The following RABEP1 variants were observed in gnomAD, a reference collection of about 807,000 sequenced individuals.
The protein encoded by RABEP1 is rab GTPase-binding effector protein 1.
In RABEP1, 51 loss-of-function variants were observed where a neutral mutation model predicts 123.4. The observed-to-expected ratio is 0.41, with a 90% CI of 0.33 to 0.52. The LOEUF is 0.52. RABEP1 is among the 20% of genes least tolerant of loss of function. The probability of loss-of-function intolerance (pLI) is 0.16; values close to 1 mark genes in which losing one functional copy is unlikely to be tolerated. For synonymous variants in RABEP1, 347 were observed against 355.2 expected, an observed-to-expected ratio of 0.98 and a Z score of 0.26; for missense variants, 888 against 996.3, an observed-to-expected ratio of 0.89 and a Z score of 1.46.
intron 2 of RABEP1, among the ~76,000 whole-genome samples, chr17:5,316,716 C>A (rs1163231861): frequency 6.7e-6 from 1 of 149,994 alleles, no homozygotes; most frequent in African/African-American, 2.5e-5. Context: ...GCTTGTAATC[C>A]CACCTACTCG....
Position 5,361,234 on chromosome 17 carries a change from A to C in RABEP1, c.1122A>C (p.Ser374=). Residue 374 remains serine, a synonymous_variant, in exon 9 of 18, where the codon TCA becomes TCC. Coordinates refer to ENST00000537505, the MANE Select transcript of RABEP1 (RefSeq NM_004703.6). ...AGCATTTAGACAGCACCCGTGGCTCAGTTCATTCCTTAGATGCAGGCTTGC... is the reference window on the plus strand; with the variant it reads ...AGCATTTAGACAGCACCCGTGGCTCCGTTCATTCCTTAGATGCAGGCTTGC... The part of the protein sequence containing the change: ...EEEHLDSTRG[S]VHSLDAGLLL... The C allele has an allele frequency of 6.2e-7, 1 of 1,614,154 alleles. No individual in the cohort carries two copies. Among genetic ancestry groups the C allele is most frequent in the Non-Finnish European group, 8.5e-7 (1 of 1,179,982 alleles).
chr17:5,288,934 G>C (rs1597322956), intron 1 of RABEP1, among the ~76,000 whole-genome samples: 1 of 151,878 alleles, frequency 6.6e-6, no homozygotes, highest in South Asian at 2.1e-4. Flanking sequence ...TTGATCTCCT[G>C]TTCTCAATTT....
rs999122382 is a variant in RABEP1, at chr17:5,317,981, C to G, written c.163+9159C>G. On this transcript the variant is annotated intron_variant, in intron 2 of 17. Transcript: ENST00000537505. ...TGAAGGTTCGTGGTGGGTGGTGCCC[C>G]AGAGAGGGCGTAGAAGCTCCATGCT... 2.0e-5 allele frequency among the ~76,000 whole-genome samples: 3 copies of G among 152,184 alleles called. No homozygotes were observed. In the East Asian group the frequency reaches 5.8e-4, roughly 29 times the overall value.
rs112853888 is a variant in RABEP1 at position 5,319,350 on chromosome 17, C to CA, written c.163+10540dup. ...CTCAAAAAAAAAAAAAACAAAAAAACAAAAAAAAAAAACATATATATTTTT... is the reference window on the plus strand; with the variant it reads ...CTCAAAAAAAAAAAAAACAAAAAAACAAAAAAAAAAAAACATATATATTTTT... On this transcript the variant is annotated intron_variant, in intron 2 of 17. Coordinates refer to ENST00000537505, the MANE Select transcript of RABEP1 (RefSeq NM_004703.6). Among the ~76,000 whole-genome samples, 118 of 137,796 alleles carry CA rather than the reference C, an allele frequency of 8.6e-4. 2 individuals are homozygous for CA. The highest frequency in any genetic ancestry group is 4.6e-3 in the South Asian group (20 of 4,334). The allele number at this position is 137,796 out of a possible 152,430, so 90.4% of individuals were successfully genotyped here. A position where few individuals can be genotyped will look rare whatever the true frequency, so the allele number is the denominator to read the frequency against.
chr17:5,343,261 A>G (rs186150840), intron 5 of RABEP1, among the ~76,000 whole-genome samples: 20 of 151,986 alleles, frequency 1.3e-4, no homozygotes, highest in African/African-American at 4.6e-4. Context: ...AAAATAAATA[A>G]ATTATTATCT....
intron 1 of RABEP1, among the ~76,000 whole-genome samples, chr17:5,300,071 G>C (rs962070327): frequency 1.3e-5 from 2 of 152,014 alleles, no homozygotes; most frequent in Non-Finnish European, 2.9e-5. Flanking sequence ...TTGGACTCCA[G>C]GCAAAACTGA....
At chr17:5,370,461 A>G (rs1316292394) in intron 12 of RABEP1, among the ~76,000 whole-genome samples, 3 of 152,092 alleles carry the variant, frequency 2.0e-5, no homozygotes, top group Non-Finnish European at 4.4e-5. Flanking sequence ...TGATCCAGGA[A>G]CCAATCAGTG....
At chr17:5,328,671 A>AAAAAAG (rs1336027774) in intron 2 of RABEP1, among the ~76,000 whole-genome samples, 1 of 120,476 alleles carries the variant, frequency 8.3e-6, no homozygotes, top group Non-Finnish European at 1.7e-5. Flanking sequence ...AAAAAAAAAA[A>AAAAAAG]GCCGGGCGCA....
At chr17:5,299,641 T>C (rs1410246072) in intron 1 of RABEP1, among the ~76,000 whole-genome samples, 1 of 151,658 alleles carries the variant, frequency 6.6e-6, no homozygotes, top group East Asian at 1.9e-4. Flanking sequence ...TCCTCTCTGC[T>C]GTCATTGGGG....
At chr17:5,305,045 A>G (rs1190741820) in intron 1 of RABEP1, among the ~76,000 whole-genome samples, 2 of 152,206 alleles carry the variant, frequency 1.3e-5, no homozygotes, top group Non-Finnish European at 2.9e-5. Context: ...ATTAGTTACC[A>G]TGTTATAAAA....
chr17:5,373,351 A>T lies in RABEP1; in HGVS notation c.1922A>T (p.Glu641Val). ...CAGTCACGGGAACAGGTTTCAGAAG[A>T]GCTGGTGAGGTTACAGAAAGATAAT... ...LMQSREQVSE[E>V]LVRLQKDNDS... The change falls in exon 13 of 18, where the codon GAG (glutamate) becomes GTG (valine). Residue 641 changes from glutamate to valine, a missense_variant. Transcript: ENST00000537505. 8 of 1,613,420 alleles carry T rather than the reference A, an allele frequency of 5.0e-6. No homozygotes were observed. Among genetic ancestry groups the T allele is most frequent in the Non-Finnish European group, 6.8e-6 (8 of 1,179,920 alleles).
Position 5,361,420 on chromosome 17 carries a change from G to C in RABEP1, c.1308G>C (p.Glu436Asp). Residue 436 changes from glutamate to aspartate, a missense_variant, in exon 9 of 18, where the codon GAG (glutamate) becomes GAC (aspartate). Coordinates refer to ENST00000537505, the MANE Select transcript of RABEP1 (RefSeq NM_004703.6). ...YKAKSAGNLD[E>D]SDFGPLVGAD... ...CAAAATCTGCTGGAAACCTGGACGA[G>C]TCAGATTTTGGACCACTGGTAGGAG... The C allele has an allele frequency of 6.2e-7, 1 of 1,614,168 alleles. No individual in the cohort carries two copies. The highest frequency in any genetic ancestry group is 8.5e-7 in the Non-Finnish European group (1 of 1,180,018).
chr17:5,312,559 G>C (rs2075254840), intron 2 of RABEP1, among the ~76,000 whole-genome samples: 2 of 152,162 alleles, frequency 1.3e-5, no homozygotes, highest in South Asian at 4.1e-4. Flanking sequence ...AAGGATTACT[G>C]ACTGTGGTAT....
intron 2 of RABEP1, among the ~76,000 whole-genome samples, chr17:5,312,177 C>G (rs1319515267): frequency 6.6e-6 from 1 of 152,026 alleles, no homozygotes; most frequent in Non-Finnish European, 1.5e-5. Context: ...GGCAGAGTCT[C>G]ACTTTTTCGC....
intron 8 of RABEP1, among the ~76,000 whole-genome samples, chr17:5,359,136 T>C (rs1035477814): frequency 2.0e-5 from 3 of 150,874 alleles, no homozygotes; most frequent in African/African-American, 4.9e-5. Flanking sequence ...TGCAGTGGTG[T>C]GATCTCGGCT....
chr17:5,334,493 A>G (rs1353378568), intron 3 of RABEP1, among the ~76,000 whole-genome samples: 2 of 151,994 alleles, frequency 1.3e-5, no homozygotes, highest in Non-Finnish European at 2.9e-5. Flanking sequence ...CGGCCTCCCA[A>G]AGTGCTGGGA....
chr17:5,342,228 A>G (rs553656094), intron 5 of RABEP1, among the ~76,000 whole-genome samples: 1 of 152,166 alleles, frequency 6.6e-6, no homozygotes, highest in Non-Finnish European at 1.5e-5. Context: ...AAAAAAAAAG[A>G]AAAAAAAGAA....
In RABEP1 at chr17:5,346,857, CTG is replaced by C; in HGVS notation, c.718_719del (p.Val240PhefsTer13). ...AGGACTGATCTAGAGATGTATGTAGCTGTTTTGAATACTCAGAAATCTGTTCT... is the reference window on the plus strand; with the variant it reads ...AGGACTGATCTAGAGATGTATGTAGCTTTTGAATACTCAGAAATCTGTTCT... On this transcript the variant is annotated frameshift_variant, in exon 6 of 18. Coordinates refer to ENST00000537505, the MANE Select transcript of RABEP1 (RefSeq NM_004703.6). LOFTEE classifies it high-confidence loss of function. 6.2e-7 allele frequency: 1 copy of C among 1,610,008 alleles called. No individual in the cohort carries two copies. The highest frequency in any genetic ancestry group is 8.5e-7 in the Non-Finnish European group (1 of 1,177,552).
chr17:5,377,339 G>T (rs770238711), intron 14 of RABEP1, 34 bp downstream of exon 14: 1 of 1,523,592 alleles, frequency 6.6e-7, no homozygotes, highest in African/African-American at 1.4e-5. Flanking sequence ...TAGAATTAGA[G>T]TCACTAAATA....
Sources: allele counts gnomAD v4.1 joint callset (sites outside exome capture counted in the v4.1 genomes callset), GRCh38; gene constraint gnomAD v4.1.1; transcripts MANE v1.5; gene names NCBI Gene and HGNC (gene_info 2026-07-23, HGNC 2026-07-21).